Variants in RASGEF1A observed in about 807,000 individuals in gnomAD.
RASGEF1A encodes ras-GEF domain-containing family member 1A.
In RASGEF1A, 18 loss-of-function variants were observed where a neutral mutation model predicts 56.4. That is an observed-to-expected ratio of 0.32 (90% CI 0.22 to 0.47). The LOEUF is 0.47. RASGEF1A is among the 20% of genes least tolerant of loss of function. The pLI is 1.00. For missense variants in RASGEF1A, 422 were observed against 627.1 expected, an observed-to-expected ratio of 0.67 and a Z score of 3.49; for synonymous variants, 245 against 242.6, an observed-to-expected ratio of 1.01 and a Z score of -0.09.
chr10:43,211,654 C>G (rs942816988), intron 1 of RASGEF1A, among the ~76,000 whole-genome samples: 14 of 152,204 alleles, frequency 9.2e-5, no homozygotes, highest in African/African-American at 2.9e-4. Flanking sequence ...GCTGCTGTCC[C>G]TCCTTGGTCT....
At chr10:43,237,691 C>T (rs1470663404) in intron 1 of RASGEF1A, among the ~76,000 whole-genome samples, 2 of 152,174 alleles carry the variant, frequency 1.3e-5, no homozygotes, top group Admixed American at 1.3e-4. Context: ...CAAGCCCAGG[C>T]CTGAACGCAC....
intron 1 of RASGEF1A, among the ~76,000 whole-genome samples, chr10:43,247,074 T>C (rs749868784): frequency 5.9e-5 from 9 of 152,168 alleles, no homozygotes; most frequent in Non-Finnish European, 1.2e-4. Context: ...AATTCAATGA[T>C]AAAAAGATAG....
chr10:43,219,750 G>T (rs2133201355), intron 1 of RASGEF1A, among the ~76,000 whole-genome samples: 1 of 152,320 alleles, frequency 6.6e-6, no homozygotes, highest in African/African-American at 2.4e-5. Context: ...CTGCACCTCC[G>T]CCCTCTACAG....
intron 1 of RASGEF1A, among the ~76,000 whole-genome samples, chr10:43,252,073 C>T (rs767774127): frequency 5.9e-5 from 9 of 152,176 alleles, no homozygotes; most frequent in South Asian, 2.1e-4. Flanking sequence ...AGGGTGAGGA[C>T]GCAGAGGGCA....
intron 1 of RASGEF1A, among the ~76,000 whole-genome samples, chr10:43,226,944 T>C (rs552953163): frequency 6.6e-6 from 1 of 152,216 alleles, no homozygotes; most frequent in African/African-American, 2.4e-5. Flanking sequence ...TGGCATGGCA[T>C]GATCTCTTCA....
chr10:43,253,725 G>A (rs549161082), intron 1 of RASGEF1A, among the ~76,000 whole-genome samples: 67 of 152,340 alleles, frequency 4.4e-4, no homozygotes, highest in Middle Eastern at 3.4e-3. Context: ...AGACACCTGC[G>A]TGACCACGAT....
intron 1 of RASGEF1A, among the ~76,000 whole-genome samples, chr10:43,244,137 G>T (rs1350444190): frequency 3.9e-5 from 6 of 152,180 alleles, no homozygotes; most frequent in Admixed American, 2.0e-4. Flanking sequence ...AGGGTTAAAT[G>T]GATTAAGGGT....
intron 1 of RASGEF1A, among the ~76,000 whole-genome samples, chr10:43,223,978 T>C (rs1288926313): frequency 6.6e-6 from 1 of 152,182 alleles, no homozygotes; most frequent in Admixed American, 6.5e-5. Context: ...AAATCTGTGG[T>C]AAATGATCTG....
rs1361711655 is a variant in RASGEF1A, at chr10:43,266,853, G to A, written c.-15C>T. On this transcript the variant is annotated 5_prime_UTR_variant, in exon 1 of 13. Coordinates refer to ENST00000395810, the MANE Select transcript of RASGEF1A (RefSeq NM_145313.4). The stretch of plus-strand genomic sequence containing the variant: ...CCGCGGCCGCTGCCTACCTCGGTCC[G>A]GGCCAGCGTCGCTCCCGCGCCGCCC... 6.9e-6 allele frequency: 1 copy of A among 145,952 alleles called. No individual in the cohort carries two copies. Among genetic ancestry groups the A allele is most frequent in the Non-Finnish European group, 1.5e-5 (1 of 65,754 alleles). The allele number at this position is 145,952 out of a possible 1,614,324, so 9.0% of individuals were successfully genotyped here.
intron 1 of RASGEF1A, among the ~76,000 whole-genome samples, chr10:43,233,846 C>T (rs1840400574): frequency 6.6e-6 from 1 of 152,210 alleles, no homozygotes; most frequent in African/African-American, 2.4e-5. Flanking sequence ...GGGCTTCGAA[C>T]TGAAAATGAA....
chr10:43,251,830 G>A (rs1397035428), intron 1 of RASGEF1A, among the ~76,000 whole-genome samples: 4 of 152,156 alleles, frequency 2.6e-5, no homozygotes, highest in Admixed American at 2.0e-4. Context: ...GCCCAGCACT[G>A]GTGTGGACCA....
chr10:43,222,352 G>C (rs1840219773), intron 1 of RASGEF1A, among the ~76,000 whole-genome samples: 4 of 152,152 alleles, frequency 2.6e-5, no homozygotes, highest in Admixed American at 2.0e-4. Context: ...CTGGCTGGGG[G>C]CTGGTTGTCA....
At chr10:43,209,694 G>C (rs901347312) in intron 1 of RASGEF1A, among the ~76,000 whole-genome samples, 1 of 151,782 alleles carries the variant, frequency 6.6e-6, no homozygotes, top group Non-Finnish European at 1.5e-5. Flanking sequence ...CCCCCCACCA[G>C]GGCTAGGCAG....
At chr10:43,202,659 A>ACCCCCCCC in intron 3 of RASGEF1A, 8 of 190,264 alleles carry the variant, frequency 4.2e-5, no homozygotes, top group Non-Finnish European at 6.7e-5. Flanking sequence ...CCCCCGCACC[A>ACCCCCCCC]CCCAGCCCGC....
rs192704098 is a variant in RASGEF1A at position 43,242,988 on chromosome 10, G to A, written c.-7+23857C>T. 7.0e-3 allele frequency among the ~76,000 whole-genome samples: 1,069 copies of A among 152,142 alleles called. 9 individuals are homozygous for A. Among genetic ancestry groups the A allele is most frequent in the African/African-American group, 0.023 (951 of 41,478 alleles). On this transcript the variant is annotated intron_variant, in intron 1 of 12. Transcript: ENST00000395810. ...AAGTGAGCAGCGTCTCTGCCTGGCC[G>A]CCCATCGTCTGGGATGTGAGGAGCC...
intron 1 of RASGEF1A, among the ~76,000 whole-genome samples, chr10:43,265,823 G>A (rs534396383): frequency 4.6e-5 from 7 of 152,322 alleles, no homozygotes; most frequent in South Asian, 2.1e-4. Flanking sequence ...CGGAGGGGGC[G>A]GGAGAACCCT....
rs1839795988 is a variant in RASGEF1A, at chr10:43,196,261, G to A, written c.1429C>T (p.Leu477Phe). ...CATCCGCCTCAGGCTCTGTTCAGAA[G>A]GGTGGTCCTAGAGGGGGACAGGACA... ...KDSWKTLRTT[L>F]LNRA is the part of the protein sequence containing the mutation. The change falls in exon 13 of 13, where the codon CTT becomes TTT. Residue 477 changes from leucine to phenylalanine, a missense_variant. This residue lies in a region of RASGEF1A where 149 missense variants were observed against 287.2 expected (regional missense o/e 0.52). Coordinates refer to ENST00000395810, the MANE Select transcript of RASGEF1A (RefSeq NM_145313.4). The surrounding 1 kb of genome is among the most constrained non-coding windows in gnomAD (Gnocchi z 4.6). 1.9e-6 allele frequency: 3 copies of A among 1,613,686 alleles called. No homozygotes were observed. The highest frequency in any genetic ancestry group is 2.5e-6 in the Non-Finnish European group (3 of 1,179,782).
intron 1 of RASGEF1A, among the ~76,000 whole-genome samples, chr10:43,250,307 G>A (rs1480762432): frequency 6.6e-6 from 1 of 152,176 alleles, no homozygotes; most frequent in East Asian, 1.9e-4. Flanking sequence ...CACCTGTCAT[G>A]GACACACCTG....
At chr10:43,204,056 G>A (rs934659370) in intron 2 of RASGEF1A, among the ~76,000 whole-genome samples, 16 of 151,994 alleles carry the variant, frequency 1.1e-4, no homozygotes, top group African/African-American at 3.6e-4. Flanking sequence ...CCACATCCAC[G>A]TGCCTTCCAT....
Sources: gnomAD v4.1 joint callset for allele counts (sites outside exome capture counted in the v4.1 genomes callset) on GRCh38, gnomAD v4.1.1 for gene constraint, gnomAD v4.1.1 regional missense constraint, Gnocchi (gnomAD v3.1) non-coding constraint, MANE v1.5 for transcripts, NCBI Gene and HGNC (gene_info 2026-07-23, HGNC 2026-07-21) for gene names.